Variants in GNAT1 observed in about 807,000 individuals in gnomAD.
The protein encoded by GNAT1 is G protein subunit alpha transducin 1.
In GNAT1, 36 loss-of-function variants were observed where a neutral mutation model predicts 40.0. That is an observed-to-expected ratio of 0.90 (90% CI 0.69 to 1.19). The LOEUF (loss-of-function observed/expected upper bound fraction) is 1.19. Among genes scored for constraint, GNAT1 ranks in the 50% most tolerant of loss-of-function variants. GNAT1 has a pLI of 0.00. For missense variants in GNAT1, 413 were observed against 480.6 expected (o/e 0.86, Z 1.32); for synonymous variants, 195 against 192.9 (o/e 1.01, Z -0.09).
chr3:50,194,210 G>C lies in GNAT1; in HGVS notation c.697G>C (p.Asp233His), dbSNP rs1179340527. ...LSAYDMVLVE[D>H]DEVNRMHESL... Reference sequence around the variant, plus strand: ...CGCCTACGACATGGTGCTAGTGGAGGACGACGAAGTGGTGCGTGCCAGGCA... The same window carrying C: ...CGCCTACGACATGGTGCTAGTGGAGCACGACGAAGTGGTGCGTGCCAGGCA... The change falls in exon 6 of 9, where the codon GAC becomes CAC. Residue 233 changes from aspartate to histidine, a missense_variant. Coordinates refer to ENST00000232461, the MANE Select transcript of GNAT1 (RefSeq NM_144499.3). The surrounding 1 kb of genome is among the most constrained non-coding windows in gnomAD (Gnocchi z 6.1). 1 of 1,609,370 alleles carries C rather than the reference G, an allele frequency of 6.2e-7. No homozygotes were observed. The highest frequency in any genetic ancestry group is 8.5e-7 in the Non-Finnish European group (1 of 1,177,858).
Position 50,193,623 on chromosome 3 carries a change from G to A in GNAT1, c.409G>A (p.Glu137Lys), listed in dbSNP as rs138533270. 6.2e-7 allele frequency: 1 copy of A among 1,612,582 alleles called. No individual in the cohort carries two copies. The highest frequency in any genetic ancestry group is 1.3e-5 in the African/African-American group (1 of 75,048). ...WKDSGIQACF[E>K]RASEYQLNDS... ...GGACTCCGGTATCCAGGCCTGTTTT[G>A]AGCGCGCCTCGGAGTACCAGCTCAA... Residue 137 changes from glutamate to lysine, a missense_variant, in exon 4 of 9, where the codon GAG becomes AAG. Physicochemically the swap from Glu to Lys is moderately conservative, Grantham distance 56. Coordinates refer to ENST00000232461, the MANE Select transcript of GNAT1 (RefSeq NM_144499.3). This position sits in a 1 kb window ranked among gnomAD's most constrained non-coding sequence, Gnocchi z 8.1.
Position 50,193,801 on chromosome 3 carries a change from C to G in GNAT1, c.498C>G (p.Thr166=), listed in dbSNP as rs559784473. 7 of 1,612,976 alleles carry G rather than the reference C, an allele frequency of 4.3e-6. No homozygotes were observed. The Admixed American group carries it at 1.0e-4, about 23-fold the overall frequency. Residue 166 remains threonine (T), a synonymous_variant, in exon 5 of 9, where the codon ACC becomes ACG. Transcript: ENST00000232461. This position sits in a 1 kb window ranked among gnomAD's most constrained non-coding sequence, Gnocchi z 8.1. The part of the protein sequence containing the change: ...ERLVTPGYVP[T]EQDVLRSRVK... Reference sequence around the variant, plus strand: ...TGGTAACCCCGGGCTACGTGCCCACCGAGCAGGACGTGCTGCGCTCGCGAG... The same window carrying G: ...TGGTAACCCCGGGCTACGTGCCCACGGAGCAGGACGTGCTGCGCTCGCGAG...
chr3:50,192,995 C>A, intron 1 of GNAT1, 138 bp from the exon 2 acceptor site: 2 of 794,186 alleles, frequency 2.5e-6, no homozygotes, highest in Non-Finnish European at 4.2e-6. Context: ...GTAGGTGTGG[C>A]TACGGGGTCG....
rs1288162158 is a variant in GNAT1, at chr3:50,197,436, G to A, written c.*2170G>A. ...CATTCTACTTTCCATCTCTATGAAT[G>A]TGACTGCTCTAAGTGCCTCAGATGT... is the stretch of plus-strand genomic sequence containing the variant. On this transcript the variant is annotated 3_prime_UTR_variant, in exon 9 of 9. Transcript: ENST00000232461. 6.6e-6 allele frequency among the ~76,000 whole-genome samples: 1 copy of A among 152,028 alleles called. No homozygotes were observed. The highest frequency in any genetic ancestry group is 2.4e-5 in the African/African-American group (1 of 41,364).
rs1279604764 is a variant in GNAT1, at chr3:50,193,767, T to C, written c.464T>C (p.Leu155Pro). The C allele has an allele frequency of 6.2e-7, 1 of 1,611,936 alleles. No individual in the cohort carries two copies. Among genetic ancestry groups the C allele is most frequent in the Non-Finnish European group, 8.5e-7 (1 of 1,179,584 alleles). The change falls in exon 5 of 9, where the codon CTG becomes CCG. Residue 155 changes from leucine to proline, a missense_variant. Coordinates refer to ENST00000232461, the MANE Select transcript of GNAT1 (RefSeq NM_144499.3). This position sits in a 1 kb window ranked among gnomAD's most constrained non-coding sequence, Gnocchi z 8.1. ...GTCTCGCGCAGCTACCTCTCCGACC[T>C]GGAGCGCCTGGTAACCCCGGGCTAC... ...NDSAGYYLSD[L>P]ERLVTPGYVP...
At position 50,191,691 on chromosome 3, in the gene GNAT1, C is replaced by T; in HGVS notation, c.-35C>T. On this transcript the variant is annotated 5_prime_UTR_variant, in exon 1 of 9. Coordinates refer to ENST00000232461, the MANE Select transcript of GNAT1 (RefSeq NM_144499.3). Reference sequence around the variant, plus strand: ...GATCCCCTCCATCCAGAAGAACCACCTGCTCACTCTGTCCCTTCGCCTGCT... The same window carrying T: ...GATCCCCTCCATCCAGAAGAACCACTTGCTCACTCTGTCCCTTCGCCTGCT... 6.7e-7 allele frequency: 1 copy of T among 1,487,068 alleles called. No homozygotes were observed. Among genetic ancestry groups the T allele is most frequent in the Non-Finnish European group, 9.4e-7 (1 of 1,064,252 alleles). The allele number at this position is 1,487,068 out of a possible 1,614,324, so 92.1% of individuals were successfully genotyped here. A position where few individuals can be genotyped will look rare whatever the true frequency, so the allele number is the denominator to read the frequency against.
At chr3:50,192,735 GGGTTTACCCGCCTCAAATAACCCA>G in intron 1 of GNAT1, 1 of 379,144 alleles carries the variant, frequency 2.6e-6, no homozygotes, top group Non-Finnish European at 5.0e-6. Context: ...GAAATGCAAG[GGGTTTACCCGCCTCAAATAACCCA>G]GTGCTTGCGG....
At position 50,193,058 on chromosome 3, in the gene GNAT1, T is replaced by G; in HGVS notation, c.107-75T>G. 1 of 1,516,652 alleles carries G rather than the reference T, an allele frequency of 6.6e-7. No individual in the cohort carries two copies. Among genetic ancestry groups the G allele is most frequent in the South Asian group, 1.1e-5 (1 of 88,770 alleles). The allele number at this position is 1,516,652 out of a possible 1,614,324, so 93.9% of individuals were successfully genotyped here. A position where few individuals can be genotyped will look rare whatever the true frequency, so the allele number is the denominator to read the frequency against. On this transcript the variant is annotated intron_variant, in intron 1 of 8. Coordinates refer to ENST00000232461, the MANE Select transcript of GNAT1 (RefSeq NM_144499.3). This position sits in a 1 kb window ranked among gnomAD's most constrained non-coding sequence, Gnocchi z 8.1. ...GGGTCCACCCTGCCAACTCGGGAGG[T>G]CCCCGTCCTCCTGGCCTCCTTGCTG...
rs1699462878 is a variant in GNAT1, at chr3:50,193,984, C to T, written c.578+103C>T. On this transcript the variant is annotated intron_variant, in intron 5 of 8. Transcript: ENST00000232461. The surrounding 1 kb of genome is among the most constrained non-coding windows in gnomAD (Gnocchi z 8.1). ...CCCTGCCCCTTCCCTGATACCCCGC[C>T]AGCAGAAAGGGTGGTAGTCCCGGCC... 7.5e-6 allele frequency: 12 copies of T among 1,600,060 alleles called. No individual in the cohort carries two copies. In the South Asian group the frequency reaches 1.3e-4, roughly 18 times the overall value.
rs1559746557 is a variant in GNAT1, at chr3:50,193,738, CCGG to C, written c.450-14_450-12del. 1.2e-6 allele frequency: 2 copies of C among 1,604,644 alleles called. No homozygotes were observed. The highest frequency in any genetic ancestry group is 1.7e-6 in the Non-Finnish European group (2 of 1,176,398). The stretch of plus-strand genomic sequence containing the variant: ...TCCACGCCTCCCCACCCACCTACGG[CCGG>C]GTCTCGCGCAGCTACCTCTCCGACC... On this transcript the variant is annotated splice_polypyrimidine_tract_variant and intron_variant, in intron 4 of 8. Coordinates refer to ENST00000232461, the MANE Select transcript of GNAT1 (RefSeq NM_144499.3). The surrounding 1 kb of genome is among the most constrained non-coding windows in gnomAD (Gnocchi z 8.1).
At chr3:50,192,870 CCT>C (rs375084827) in intron 1 of GNAT1, 4 of 591,878 alleles carry the variant, frequency 6.8e-6, no homozygotes, top group African/African-American at 3.7e-5. Flanking sequence ...TGGGGACTCC[CCT>C]GTCCCAGAAC....
chr3:50,193,678 A>AGCGCGGG lies in GNAT1; in HGVS notation c.449+34_449+40dup, dbSNP rs753386105. On this transcript the variant is annotated intron_variant, in intron 4 of 8. Transcript: ENST00000232461. This position sits in a 1 kb window ranked among gnomAD's most constrained non-coding sequence, Gnocchi z 8.1. ...TCGGCGGGCTAGTGAGCGCGCGGGC[A>AGCGCGGG]GCGCGGGGCGCGGGGCGCGGGGCGC... 155 of 1,609,382 alleles carry AGCGCGGG rather than the reference A, an allele frequency of 9.6e-5. No individual in the cohort carries two copies. Among genetic ancestry groups the AGCGCGGG allele is most frequent in the East Asian group, 3.6e-4 (16 of 44,772 alleles).
chr3:50,191,983 C>G, intron 1 of GNAT1, 152 bp downstream of exon 1: 2 of 627,600 alleles, frequency 3.2e-6, no homozygotes, highest in Non-Finnish European at 5.8e-6. Flanking sequence ...CAAGCAAGGC[C>G]AGGCCTGACA....
At chr3:50,192,652 A>G (rs1575416369) in intron 1 of GNAT1, 2 of 250,670 alleles carry the variant, frequency 8.0e-6, no homozygotes, top group South Asian at 4.6e-5. Context: ...AAGGATGTCA[A>G]CTCTGCCCTC....
Position 50,193,286 on chromosome 3 carries a change from C to G in GNAT1, c.171C>G (p.Tyr57Ter), listed in dbSNP as rs190126440. 4.3e-6 allele frequency: 7 copies of G among 1,614,206 alleles called. No homozygotes were observed. In the African/African-American group the frequency reaches 8.0e-5, roughly 18 times the overall value. ...TCAGGATTATCCACCAGGACGGGTA[C>G]TCGCTGGAAGAGTGCCTCGAGTTTA... ...KQMKIIHQDG[Y>*]SLEECLEFIA... The change falls in exon 3 of 9, where the codon TAC becomes TAG. Residue 57 changes from tyrosine to a stop codon, truncating the protein, a stop_gained. Transcript: ENST00000232461. LOFTEE classifies it high-confidence loss of function. The surrounding 1 kb of genome is among the most constrained non-coding windows in gnomAD (Gnocchi z 8.1).
rs748872282 is a variant in GNAT1 at position 50,193,402 on chromosome 3, G to A, written c.287G>A (p.Arg96His). The change falls in exon 3 of 9, where the codon CGC becomes CAC. Residue 96 changes from arginine to histidine, a missense_variant. By Grantham distance (29) the Arg-to-His change is conservative (BLOSUM62 0). Transcript: ENST00000232461. This position sits in a 1 kb window ranked among gnomAD's most constrained non-coding sequence, Gnocchi z 8.1. ...TLNIQYGDSA[R>H]QDDARKLMHM... ...AACATCCAGTACGGAGACTCTGCACGCCAGGTGTGCCAGGAGGCGGGCTGA... is the reference window on the plus strand; with the variant it reads ...AACATCCAGTACGGAGACTCTGCACACCAGGTGTGCCAGGAGGCGGGCTGA... The A allele has an allele frequency of 1.2e-5, 20 of 1,613,940 alleles. No individual in the cohort carries two copies. Among genetic ancestry groups the A allele is most frequent in the Non-Finnish European group, 1.5e-5 (18 of 1,179,994 alleles).
chr3:50,194,736 G>T lies in GNAT1; in HGVS notation c.863-29G>T. ...CCCCCCGCACGGGGAAGGAAGGGCT[G>T]AGCAGAGTGAGAGCTCCCGCCCCCG... On this transcript the variant is annotated intron_variant, in intron 7 of 8. Transcript: ENST00000232461. The surrounding 1 kb of genome is among the most constrained non-coding windows in gnomAD (Gnocchi z 6.1). The T allele has an allele frequency of 6.2e-7, 1 of 1,612,530 alleles. No individual in the cohort carries two copies.
In GNAT1 at chr3:50,194,339, G is replaced by C. The variant is rs1699469831; in HGVS notation, c.708+118G>C. On this transcript the variant is annotated intron_variant, in intron 6 of 8. Coordinates refer to ENST00000232461, the MANE Select transcript of GNAT1 (RefSeq NM_144499.3). This position sits in a 1 kb window ranked among gnomAD's most constrained non-coding sequence, Gnocchi z 6.1. ...CGGGAGGGGATGCCTGTCCCGGGCGGCCTGAGGAGGCCCGGAGGCGTTCAG... is the reference window on the plus strand; with the variant it reads ...CGGGAGGGGATGCCTGTCCCGGGCGCCCTGAGGAGGCCCGGAGGCGTTCAG... 1.4e-6 allele frequency: 2 copies of C among 1,408,368 alleles called. No individual in the cohort carries two copies. Among genetic ancestry groups the C allele is most frequent in the African/African-American group, 1.4e-5 (1 of 70,398 alleles). 87.2% of individuals were successfully genotyped at this position (1,408,368 alleles called of 1,614,324 possible).
rs1173515021 is a variant in GNAT1, at chr3:50,193,966, C to G, written c.578+85C>G. The stretch of plus-strand genomic sequence containing the variant: ...CCCCATCCCTGCGATAGACCCTGCC[C>G]CTTCCCTGATACCCCGCCAGCAGAA... On this transcript the variant is annotated intron_variant, in intron 5 of 8. Coordinates refer to ENST00000232461, the MANE Select transcript of GNAT1 (RefSeq NM_144499.3). The surrounding 1 kb of genome is among the most constrained non-coding windows in gnomAD (Gnocchi z 8.1). 9.4e-6 allele frequency: 15 copies of G among 1,600,756 alleles called. No homozygotes were observed. The Admixed American group carries it at 2.2e-4, about 23-fold the overall frequency.
Sources: gnomAD v4.1 joint callset for allele counts (sites outside exome capture counted in the v4.1 genomes callset) on GRCh38, gnomAD v4.1.1 for gene constraint, Gnocchi (gnomAD v3.1) non-coding constraint, MANE v1.5 for transcripts, NCBI Gene and HGNC (gene_info 2026-07-23, HGNC 2026-07-21) for gene names.